SETX: variants seen among roughly 807,000 people sequenced by gnomAD.
SETX encodes the protein helicase senataxin.
In SETX, 90 loss-of-function variants were observed where a neutral mutation model predicts 227.2. That is an observed-to-expected ratio of 0.40 (90% CI 0.33 to 0.47). The LOEUF is 0.47. Ranked by LOEUF, SETX falls within the 20% of genes least tolerant of loss-of-function variation. The pLI, the probability that SETX is intolerant of heterozygous loss-of-function variation, is 0.91. For synonymous variants in SETX, 1,210 were observed against 1,113.2 expected (o/e 1.09, Z -1.73); for missense variants, 3,052 against 3,181.5 (o/e 0.96, Z 0.98).
intron 5 of SETX, 54 bp from the exon 6 acceptor site, chr9:132,336,569 G>T: frequency 1.6e-6 from 2 of 1,256,616 alleles, no homozygotes; most frequent in Non-Finnish European, 1.2e-6. Context: ...TCTACAAACA[G>T]CAAGAACACA....
intron 23 of SETX, among the ~76,000 whole-genome samples, chr9:132,273,076 T>TA (rs1842975605): frequency 6.6e-6 from 1 of 150,446 alleles, no homozygotes; most frequent in Non-Finnish European, 1.5e-5. Context: ...CTACTAAAAA[T>TA]GAAAAAACAC....
In SETX at chr9:132,329,022, T is replaced by G; in HGVS notation, c.2576A>C (p.Gln859Pro). Residue 859 changes from glutamine to proline, a missense_variant, in exon 10 of 26, where the codon CAA becomes CCA. By Grantham distance (76) the Gln-to-Pro change is moderately conservative. Coordinates refer to ENST00000224140, the MANE Select transcript of SETX (RefSeq NM_015046.7). ...LDDKNGEQKSQNNVLPKEKQL... is the reference protein window; with the variant it reads ...LDDKNGEQKSPNNVLPKEKQL... ...TTTCTCTTTTGGCAATACATTGTTT[T>G]GAGATTTTTGTTCTCCATTCTTATC... 1 of 1,607,130 alleles carries G rather than the reference T, an allele frequency of 6.2e-7. No individual in the cohort carries two copies. The highest frequency in any genetic ancestry group is 1.3e-5 in the African/African-American group (1 of 75,014).
chr9:132,283,825 G>C (rs906870718), intron 18 of SETX, among the ~76,000 whole-genome samples: 4 of 152,178 alleles, frequency 2.6e-5, no homozygotes, highest in African/African-American at 9.7e-5. Context: ...TAGTTTTTAA[G>C]TATATAATAT....
intron 5 of SETX, among the ~76,000 whole-genome samples, chr9:132,341,721 C>A (rs1482154263): frequency 6.6e-6 from 1 of 152,162 alleles, no homozygotes. Flanking sequence ...CAAAGAAGCA[C>A]CCCCATCCGC....
At position 132,288,353 on chromosome 9, in the gene SETX, T is replaced by G; in HGVS notation, c.6209-2A>C. 1 of 1,599,666 alleles carries G rather than the reference T, an allele frequency of 6.3e-7. No homozygotes were observed. Among genetic ancestry groups the G allele is most frequent in the African/African-American group, 1.3e-5 (1 of 74,640 alleles). On this transcript the variant is annotated splice_acceptor_variant, in intron 16 of 25. Transcript: ENST00000224140. LOFTEE classifies it high-confidence loss of function. The stretch of plus-strand genomic sequence containing the variant: ...GAACATGAGAAGGTAACTCTTTTTC[T>G]AATAAAAATAACAAATAAAAAATTA...
chr9:132,305,324 C>T (rs192398458), intron 11 of SETX, among the ~76,000 whole-genome samples: 2,049 of 141,408 alleles, frequency 0.014, 49 homozygotes, highest in African/African-American at 0.054. Flanking sequence ...ACTGCACTCC[C>T]GCCTGGGTGA....
At chr9:132,302,589 G>C (rs1263008195) in intron 11 of SETX, among the ~76,000 whole-genome samples, 1 of 149,154 alleles carries the variant, frequency 6.7e-6, no homozygotes, top group African/African-American at 2.5e-5. Context: ...GAACCTGGGA[G>C]GTGGAGATTG....
chr9:132,337,421 G>A (rs1392237722), intron 5 of SETX, among the ~76,000 whole-genome samples: 7 of 116,920 alleles, frequency 6.0e-5, no homozygotes, highest in Non-Finnish European at 1.2e-4. Flanking sequence ...TAAATTTAGT[G>A]CTCACAACCA....
intron 11 of SETX, among the ~76,000 whole-genome samples, chr9:132,302,356 C>CAAAAAAAAAAAAAAAAAAAAA (rs35649212): frequency 3.6e-5 from 1 of 27,814 alleles, no homozygotes; most frequent in African/African-American, 1.5e-4. Context: ...GAATCCATCT[C>CAAAAAAAAAAAAAAAAAAAAA]AAAAAAAAAA....
At chr9:132,274,748 C>A (rs1450678128) in intron 23 of SETX, among the ~76,000 whole-genome samples, 1 of 151,970 alleles carries the variant, frequency 6.6e-6, no homozygotes, top group East Asian at 1.9e-4. Flanking sequence ...ACCCAGCCTA[C>A]AGGTCTGATT....
At position 132,277,070 on chromosome 9, in the gene SETX, G is replaced by A. The variant is rs1490101518; in HGVS notation, c.6925C>T (p.Arg2309Trp). Residue 2309 changes from arginine to tryptophan, a missense_variant, in exon 22 of 26, where the codon CGG becomes TGG. Around this residue, in one of 10 missense-constraint regions of SETX, gnomAD observed 412 missense variants for 589.0 expected, o/e 0.70. Transcript: ENST00000224140. The part of the protein sequence containing the change: ...VFDVGDGSER[R>W]DNDSYINVQE... ...AAGAGGAAAACATACTCATTATCCC[G>A]TCTTTCTGAACCATCTCCAACATCA... 5 of 1,613,208 alleles carry A rather than the reference G, an allele frequency of 3.1e-6. No individual in the cohort carries two copies. In the African/African-American group the frequency reaches 6.7e-5, roughly 22 times the overall value.
At chr9:132,300,599 A>G in intron 12 of SETX, 31 bp downstream of exon 12, 2 of 1,608,386 alleles carry the variant, frequency 1.2e-6, no homozygotes, top group South Asian at 1.1e-5. Flanking sequence ...TGTATCTGAC[A>G]TTTCCTGTCA....
chr9:132,307,834 A>T (rs780303784), intron 11 of SETX, among the ~76,000 whole-genome samples: 3 of 152,100 alleles, frequency 2.0e-5, no homozygotes, highest in Non-Finnish European at 2.9e-5. Context: ...ATGCGCCACC[A>T]TGCCCAGCTG....
At chr9:132,276,286 T>G (rs12341899) in intron 22 of SETX, among the ~76,000 whole-genome samples, 1 of 151,964 alleles carries the variant, frequency 6.6e-6, no homozygotes, top group Non-Finnish European at 1.5e-5. Context: ...CCAAGAGGCC[T>G]CATTAAAACC....
intron 2 of SETX, among the ~76,000 whole-genome samples, chr9:132,350,897 C>T (rs1012210233): frequency 1.3e-4 from 20 of 152,100 alleles, no homozygotes; most frequent in Admixed American, 1.3e-3. Context: ...CAGTTCTCAT[C>T]GACGTGGGGG....
In SETX at chr9:132,271,804, C is replaced by T. The variant is rs1380164805; in HGVS notation, c.7105G>A (p.Ala2369Thr). The change falls in exon 24 of 26, where the codon GCA (alanine) becomes ACA (threonine). Residue 2369 changes from alanine to threonine, a missense_variant. Coordinates refer to ENST00000224140, the MANE Select transcript of SETX (RefSeq NM_015046.7). ...AATGCATCCACAGTGTCTACTTCTG[C>T]TGGTCTATTTACAAAAGAGAAACAT... ...LDKEFDRKGP[A>T]EVDTVDAFQG... The T allele has an allele frequency of 1.2e-6, 2 of 1,612,598 alleles. No individual in the cohort carries two copies.
At chr9:132,311,941 G>A (rs1589702479) in intron 10 of SETX, 85 bp from the exon 11 acceptor site, 1 of 1,041,402 alleles carries the variant, frequency 9.6e-7, no homozygotes, top group Non-Finnish European at 1.5e-6. Context: ...TTAAGCAACA[G>A]TAAAATCCAG....
In SETX at chr9:132,283,197, C is replaced by T. The variant is rs1003651935; in HGVS notation, c.6546+67G>A. 106 of 1,598,196 alleles carry T rather than the reference C, an allele frequency of 6.6e-5. 2 individuals are homozygous for T. The Middle Eastern group carries it at 8.3e-4, about 12-fold the overall frequency. On this transcript the variant is annotated intron_variant, in intron 19 of 25. Transcript: ENST00000224140. ...ACACATTTCCTCAACATTTCAGCAGCCACAATTCATCTAAGACTTACTCCT... is the reference window on the plus strand; with the variant it reads ...ACACATTTCCTCAACATTTCAGCAGTCACAATTCATCTAAGACTTACTCCT...
At chr9:132,288,960 AG>A (rs1370844440) in intron 15 of SETX, among the ~76,000 whole-genome samples, 4 of 152,236 alleles carry the variant, frequency 2.6e-5, no homozygotes, top group Non-Finnish European at 5.9e-5. Context: ...TATGTTCAGT[AG>A]GACATTCCAT....
Sources: gnomAD v4.1 joint callset for allele counts (sites outside exome capture counted in the v4.1 genomes callset) on GRCh38, gnomAD v4.1.1 for gene constraint, gnomAD v4.1.1 regional missense constraint, MANE v1.5 for transcripts, NCBI Gene and HGNC (gene_info 2026-07-23, HGNC 2026-07-21) for gene names.